The following CUL2 variants were observed in gnomAD, a reference collection of about 807,000 sequenced individuals.
The protein encoded by CUL2 is cullin 2.
Under a neutral mutation model 110.2 loss-of-function variants are expected in CUL2, and 22 were observed. The ratio of observed to expected loss-of-function variants is 0.20; its 90% confidence interval spans 0.14 to 0.28. The LOEUF (loss-of-function observed/expected upper bound fraction) is 0.28. Among genes scored for constraint, CUL2 ranks in the 10% least tolerant of loss-of-function variants. CUL2 has a pLI of 1.00. For missense variants in CUL2, 631 were observed against 905.5 expected (o/e 0.70, Z 3.89); for synonymous variants, 279 against 293.2 (o/e 0.95, Z 0.49).
intron 2 of CUL2, among the ~76,000 whole-genome samples, chr10:35,095,782 A>G (rs1353876729): frequency 6.6e-6 from 1 of 151,810 alleles, no homozygotes; most frequent in South Asian, 2.1e-4. Flanking sequence ...GCTGGTCTTG[A>G]ACTCCTGACC....
At position 35,102,744 on chromosome 10, in the gene CUL2, G is replaced by A. The variant is rs1224599458; in HGVS notation, c.-50-1684C>T. Among the ~76,000 whole-genome samples, 8 of 151,618 alleles carry A rather than the reference G, an allele frequency of 5.3e-5. No individual in the cohort carries two copies. The East Asian group carries it at 7.8e-4, about 15-fold the overall frequency. Reference sequence around the variant, plus strand: ...CTAAAAATGCAAAAATTAGCCGGGTGCAGTGGCAGGCGCCTGTAATCCCGG... The same window carrying A: ...CTAAAAATGCAAAAATTAGCCGGGTACAGTGGCAGGCGCCTGTAATCCCGG... On this transcript the variant is annotated intron_variant, in intron 1 of 5. Transcript: ENST00000685421.
intron 19 of CUL2, 89 bp downstream of exon 19, chr10:35,013,610 A>G: frequency 1.2e-6 from 1 of 815,044 alleles, no homozygotes; most frequent in South Asian, 1.9e-5. Context: ...TGCTGTGCAA[A>G]GTTTTGCACA....
At position 35,049,870 on chromosome 10, in the gene CUL2, T is replaced by C. The variant is rs2086054504; in HGVS notation, c.424-105A>G. 2.2e-5 allele frequency: 14 copies of C among 647,752 alleles called. No homozygotes were observed. In the East Asian group the frequency reaches 4.0e-4, roughly 19 times the overall value. 40.1% of individuals were successfully genotyped at this position (647,752 alleles called of 1,614,324 possible). A position where few individuals can be genotyped will look rare whatever the true frequency, so the allele number is the denominator to read the frequency against. On this transcript the variant is annotated intron_variant, in intron 5 of 20. Coordinates refer to ENST00000374749, the MANE Select transcript of CUL2 (RefSeq NM_003591.4). ...AAATACTCATCAAAAGAAGTATTTA[T>C]ACTAATACTTCAAAATTCAAATAAA... is the stretch of plus-strand genomic sequence containing the variant.
chr10:35,116,184 A>G (rs2087596895), intron 1 of CUL2, among the ~76,000 whole-genome samples: 1 of 152,060 alleles, frequency 6.6e-6, no homozygotes, highest in South Asian at 2.1e-4. Flanking sequence ...CTCTACTAAA[A>G]ATACAAAAAT....
chr10:35,080,984 T>A, intron 1 of CUL2, among the ~76,000 whole-genome samples: 1 of 151,768 alleles, frequency 6.6e-6, no homozygotes, highest in East Asian at 1.9e-4. Flanking sequence ...GAGGCTGAGG[T>A]GGGAGGATCA....
At chr10:35,039,553 A>G (rs2085724060) in intron 8 of CUL2, among the ~76,000 whole-genome samples, 1 of 152,222 alleles carries the variant, frequency 6.6e-6, no homozygotes, top group South Asian at 2.1e-4. Context: ...CTACCATATT[A>G]AAGATTTAAT....
chr10:35,052,336 G>T (rs1377266337), intron 5 of CUL2, among the ~76,000 whole-genome samples: 5 of 152,130 alleles, frequency 3.3e-5, no homozygotes, highest in African/African-American at 1.2e-4. Context: ...GGGCAAACTG[G>T]TAAAGGCCCT....
intron 17 of CUL2, among the ~76,000 whole-genome samples, chr10:35,022,376 T>C (rs2085223976): frequency 6.6e-6 from 1 of 152,206 alleles, no homozygotes; most frequent in Admixed American, 6.5e-5. Context: ...TCATTTACAA[T>C]ACAAAAATTA....
intron 1 of CUL2, among the ~76,000 whole-genome samples, chr10:35,115,522 T>C (rs2087583444): frequency 6.6e-6 from 1 of 152,166 alleles, no homozygotes. Flanking sequence ...ATCGCGCCAC[T>C]ACACTCTAGC....
intron 3 of CUL2, among the ~76,000 whole-genome samples, chr10:35,061,770 T>A (rs1041164580): frequency 1.0e-5 from 1 of 95,734 alleles, no homozygotes; most frequent in East Asian, 3.6e-4. Flanking sequence ...CTTATGAGGG[T>A]TTTTTTTTTT....
chr10:35,012,617 A>G (rs569278352), intron 19 of CUL2, among the ~76,000 whole-genome samples: 69 of 152,362 alleles, frequency 4.5e-4, no homozygotes, highest in Admixed American at 8.5e-4. Context: ...ATCTCCTCAC[A>G]GCGTTTCAAA....
Position 35,111,469 on chromosome 10 carries a change from G to T in CUL2, c.-50-10409C>A, listed in dbSNP as rs374838970. 3.9e-5 allele frequency among the ~76,000 whole-genome samples: 6 copies of T among 152,112 alleles called. No homozygotes were observed. The East Asian group carries it at 5.8e-4, about 15-fold the overall frequency. Reference sequence around the variant, plus strand: ...AGATGGAGTCTCACTATGTTGCCCAGGCTGGTCTCAAACTCCTGGCCTCAA... The same window carrying T: ...AGATGGAGTCTCACTATGTTGCCCATGCTGGTCTCAAACTCCTGGCCTCAA... On this transcript the variant is annotated intron_variant, in intron 1 of 5. Coordinates refer to the CUL2 transcript ENST00000685421.
upstream of CUL2, among the ~76,000 whole-genome samples, chr10:35,094,373 T>C (rs1039013510): frequency 6.6e-6 from 1 of 152,072 alleles, no homozygotes; most frequent in African/African-American, 2.4e-5. Context: ...GTAGCTGAGA[T>C]TACAAGCACG....
chr10:35,017,128 T>G (rs1040879103), intron 17 of CUL2, among the ~76,000 whole-genome samples: 1 of 152,038 alleles, frequency 6.6e-6, no homozygotes, highest in Non-Finnish European at 1.5e-5. Context: ...GGTTCAAGCC[T>G]CCTGGGAGGT....
intron 8 of CUL2, among the ~76,000 whole-genome samples, chr10:35,040,021 C>G (rs2085741158): frequency 6.6e-6 from 1 of 152,112 alleles, no homozygotes; most frequent in Non-Finnish European, 1.5e-5. Context: ...GGTGTGGTGG[C>G]AGGTGCCTGT....
intron 9 of CUL2, among the ~76,000 whole-genome samples, chr10:35,035,978 C>A (rs2085610789): frequency 6.6e-6 from 1 of 152,168 alleles, no homozygotes; most frequent in African/African-American, 2.4e-5. Context: ...CATACATATA[C>A]AGAAAAGTAT....
At chr10:35,024,470 G>A (rs927663137) in intron 17 of CUL2, among the ~76,000 whole-genome samples, 10 of 152,088 alleles carry the variant, frequency 6.6e-5, no homozygotes, top group African/African-American at 2.4e-4. Context: ...CAAAGAAAAA[G>A]TGATTCAATG....
At chr10:35,067,466 T>C (rs1455184136) in intron 2 of CUL2, among the ~76,000 whole-genome samples, 2 of 152,164 alleles carry the variant, frequency 1.3e-5, no homozygotes, top group Admixed American at 6.5e-5. Flanking sequence ...GAATTCACCA[T>C]TGGCCGGTCA....
chr10:35,098,825 T>C (rs979937454), intron 2 of CUL2, among the ~76,000 whole-genome samples: 6 of 152,004 alleles, frequency 3.9e-5, no homozygotes, highest in African/African-American at 1.4e-4. Flanking sequence ...TCCCAGTTAC[T>C]TGGGAGGCTG....
Sources: gnomAD v4.1 joint callset for allele counts (sites outside exome capture counted in the v4.1 genomes callset) on GRCh38, gnomAD v4.1.1 for gene constraint, MANE v1.5 for transcripts, NCBI Gene and HGNC (gene_info 2026-07-23, HGNC 2026-07-21) for gene names.